MPG: variants seen among roughly 807,000 people sequenced by gnomAD.
The protein encoded by MPG is DNA-3-methyladenine glycosylase.
A neutral mutation model predicts 31.7 loss-of-function variants in MPG; 33 were observed. The observed-to-expected ratio is 1.04, with a 90% CI of 0.79 to 1.39. The LOEUF (loss-of-function observed/expected upper bound fraction) is 1.39. MPG is among the 40% of genes most tolerant of loss of function. MPG has a pLI of 0.00. For missense variants in MPG, 455 were observed against 415.5 expected, an observed-to-expected ratio of 1.10 and a Z score of -0.83; for synonymous variants, 202 against 169.2, an observed-to-expected ratio of 1.19 and a Z score of -1.51.
chr16:78,968 G>A (rs901908106), intron 1 of MPG, among the ~76,000 whole-genome samples: 2 of 150,736 alleles, frequency 1.3e-5, no homozygotes, highest in African/African-American at 5.0e-5. Flanking sequence ...CTCCCTGTGT[G>A]TCCGACCTTG....
chr16:84,281 C>T (rs2141889124), intron 3 of MPG: 1 of 152,430 alleles, frequency 6.6e-6, no homozygotes, highest in East Asian at 1.9e-4. Flanking sequence ...TTTGCTTGGC[C>T]TGGATTTTAT....
chr16:83,402 T>G (rs1898309916), intron 3 of MPG, 146 bp downstream of exon 3: 30 of 764,728 alleles, frequency 3.9e-5, no homozygotes, highest in Non-Finnish European at 4.8e-5. Flanking sequence ...TCGGGAGCTC[T>G]GGCTACGCTG....
chr16:83,740 CAAAA>C (rs55674146), intron 3 of MPG, among the ~76,000 whole-genome samples: 2 of 99,450 alleles, frequency 2.0e-5, no homozygotes, highest in Admixed American at 1.1e-4. Context: ...GACTCCATCT[CAAAA>C]AAAAAAAAAA....
intron 1 of MPG, among the ~76,000 whole-genome samples, chr16:78,553 C>T (rs1355320842): frequency 1.3e-5 from 2 of 152,192 alleles, no homozygotes; most frequent in African/African-American, 4.8e-5. Context: ...CAGCGCGGGC[C>T]GAGCTGCGGA....
chr16:78,055 G>C (rs3176373), upstream of MPG: 1 of 307,156 alleles, frequency 3.3e-6, no homozygotes, highest in Non-Finnish European at 6.0e-6. Flanking sequence ...CTCTCGCCTC[G>C]CAGGCACCGC....
At chr16:80,576 G>A (rs375077744) in intron 2 of MPG, among the ~76,000 whole-genome samples, 4 of 152,092 alleles carry the variant, frequency 2.6e-5, no homozygotes, top group Non-Finnish European at 4.4e-5. Flanking sequence ...TTTGGGAGGC[G>A]GAGGTGGGTG....
chr16:83,280 G>C (rs1369669046), intron 3 of MPG, 24 bp downstream of exon 3: 1 of 1,596,132 alleles, frequency 6.3e-7, no homozygotes, highest in Non-Finnish European at 8.6e-7. Context: ...GGGCACGGGG[G>C]GTTGGAGGGC....
At chr16:78,200 T>C, upstream of MPG, 3 of 1,060,826 alleles carry the variant, frequency 2.8e-6, no homozygotes, top group Non-Finnish European at 3.7e-6. Context: ...TTCCGTCCCC[T>C]TCTGCGCAGG....
intron 2 of MPG, chr16:79,987 T>G: frequency 1.9e-6 from 1 of 517,194 alleles, no homozygotes; most frequent in African/African-American, 1.9e-5. Flanking sequence ...ACCGTTAGCC[T>G]TCCTCACCGG....
Position 85,637 on chromosome 16 carries a change from G to A in MPG, c.742G>A (p.Glu248Lys), listed in dbSNP as rs1253428549. The change falls in exon 4 of 4, where the codon GAG (glutamate) becomes AAG (lysine). Residue 248 changes from glutamate to lysine, a missense_variant. Coordinates refer to ENST00000356432, the MANE Select transcript of MPG (RefSeq NM_001015052.3). Reference protein sequence around the residue: ...WLERGPLEPSEPAVVAAARVG... With the variant: ...WLERGPLEPSKPAVVAAARVG... ...GGAGCGTGGTCCCCTGGAGCCCAGT[G>A]AGCCGGCTGTAGTGGCAGCAGCCCG... 3.1e-6 allele frequency: 5 copies of A among 1,594,706 alleles called. No homozygotes were observed. In the Admixed American group the frequency reaches 6.8e-5, roughly 22 times the overall value.
At chr16:79,278 A>T in intron 1 of MPG, 147 bp from the exon 2 acceptor site, 3 of 1,569,920 alleles carry the variant, frequency 1.9e-6, no homozygotes, top group South Asian at 2.3e-5. Flanking sequence ...TTTGTGCCTC[A>T]TAACAACCCA....
At chr16:79,077 G>A (rs926250214) in intron 1 of MPG, 6 of 1,439,080 alleles carry the variant, frequency 4.2e-6, no homozygotes, top group African/African-American at 1.4e-5. Flanking sequence ...CCTGCATGAT[G>A]AGTGGGAATC....
rs1567124354 is a variant in MPG, at chr16:82,083, ACGCTGGCCCCTTCTTCC to A, written c.301-967_301-951del. On this transcript the variant is annotated intron_variant, in intron 2 of 3. Transcript: ENST00000356432. Reference sequence around the variant, plus strand: ...CGGGAAGGCCTCCTGAATGCTCCCCACGCTGGCCCCTTCTTCCCACCACCCTACCTCCGGGAAGCCCT... The same window carrying A: ...CGGGAAGGCCTCCTGAATGCTCCCCACACCACCCTACCTCCGGGAAGCCCT... 2.8e-3 allele frequency among the ~76,000 whole-genome samples: 52 copies of A among 18,420 alleles called. 1 individual carries two copies. The highest frequency in any genetic ancestry group is 3.8e-3 in the African/African-American group (8 of 2,098). The allele number at this position is 18,420 out of a possible 152,430, so 12.1% of individuals were successfully genotyped here. A position where few individuals can be genotyped will look rare whatever the true frequency, so the allele number is the denominator to read the frequency against.
At chr16:77,487 G>C (rs1326288810), upstream of MPG, among the ~76,000 whole-genome samples, 2 of 152,234 alleles carry the variant, frequency 1.3e-5, no homozygotes, top group African/African-American at 4.8e-5. Context: ...GCGTAGGACG[G>C]CTGCGCACTG....
rs995053567 is a variant in MPG, at chr16:78,567, G to C, written c.24+234G>C. On this transcript the variant is annotated intron_variant, in intron 1 of 3. Transcript: ENST00000356432. ...GCAGCGCGGGCCGAGCTGCGGAGAC[G>C]GTCACGTCAGCGTCCGTTCCAGGCC... Among the ~76,000 whole-genome samples, 47 of 152,216 alleles carry C rather than the reference G, an allele frequency of 3.1e-4. 1 individual carries two copies. Among genetic ancestry groups the C allele is most frequent in the Admixed American group, 3.1e-3 (47 of 15,282 alleles).
At position 79,546 on chromosome 16, in the gene MPG, C is replaced by T. The variant is rs1898184601; in HGVS notation, c.146C>T (p.Ala49Val). Reference sequence around the variant, plus strand: ...CACAGCTCGTCCGATGCAGCCCAGGCACCTTGCCCCAGGGAGCGCTGCTTG... The same window carrying T: ...CACAGCTCGTCCGATGCAGCCCAGGTACCTTGCCCCAGGGAGCGCTGCTTG... The part of the protein sequence containing the change: ...QPHSSSDAAQ[A>V]PCPRERCLGP... The change falls in exon 2 of 4, where the codon GCA becomes GTA. Residue 49 changes from alanine to valine, a missense_variant. Physicochemically the swap from Ala to Val is moderately conservative, Grantham distance 64 (BLOSUM62 0). Transcript: ENST00000356432. 3 of 1,612,918 alleles carry T rather than the reference C, an allele frequency of 1.9e-6. No individual in the cohort carries two copies. The highest frequency in any genetic ancestry group is 1.7e-5 in the Admixed American group (1 of 59,976).
chr16:77,497 GC>G (rs1898118925), upstream of MPG, among the ~76,000 whole-genome samples: 1 of 152,240 alleles, frequency 6.6e-6, no homozygotes, highest in African/African-American at 2.4e-5. Flanking sequence ...GCTGCGCACT[GC>G]CGGGCCGTGT....
rs938184548 is a variant in MPG at position 79,148 on chromosome 16, C to T, written c.25-277C>T. ...CCCATCTGCTCCCCAGGTCATGCAGCCTGGGCCCCCATGCCGTGCAGCTCG... is the reference window on the plus strand; with the variant it reads ...CCCATCTGCTCCCCAGGTCATGCAGTCTGGGCCCCCATGCCGTGCAGCTCG... On this transcript the variant is annotated intron_variant, in intron 1 of 3. Transcript: ENST00000356432. The T allele has an allele frequency of 1.7e-5, 26 of 1,510,584 alleles. No individual in the cohort carries two copies. The African/African-American group carries it at 3.2e-4, about 18-fold the overall frequency. The allele number at this position is 1,510,584 out of a possible 1,614,324, so 93.6% of individuals were successfully genotyped here. A position where few individuals can be genotyped will look rare whatever the true frequency, so the allele number is the denominator to read the frequency against.
At chr16:79,120 G>A in intron 1 of MPG, 1 of 1,479,110 alleles carries the variant, frequency 6.8e-7, no homozygotes, top group Non-Finnish European at 9.0e-7. Context: ...CCAGGCTCAG[G>A]CCCCCATCTG....
Sources: gnomAD v4.1 joint callset for allele counts (sites outside exome capture counted in the v4.1 genomes callset) on GRCh38, gnomAD v4.1.1 for gene constraint, MANE v1.5 for transcripts, NCBI Gene and HGNC (gene_info 2026-07-23, HGNC 2026-07-21) for gene names.